CDK5RAP2: variants seen among roughly 807,000 people sequenced by gnomAD.
The protein encoded by CDK5RAP2 is CDK5 regulatory subunit associated protein 2.
Under a neutral mutation model 232.9 loss-of-function variants are expected in CDK5RAP2, and 147 were observed. That is an observed-to-expected ratio of 0.63 (90% confidence interval 0.55 to 0.72). The LOEUF (loss-of-function observed/expected upper bound fraction) is 0.72, where lower values mean the gene tolerates loss of function less well. CDK5RAP2 is among the 30% of genes least tolerant of loss of function. The pLI is 0.00. For synonymous variants in CDK5RAP2, 833 were observed against 833.7 expected (o/e 1.00, Z 0.01); for missense variants, 2,195 against 2,231.5 (o/e 0.98, Z 0.33).
intron 2 of CDK5RAP2, among the ~76,000 whole-genome samples, chr9:120,568,900 T>C (rs752581573): frequency 3.9e-5 from 6 of 152,070 alleles, no homozygotes; most frequent in Non-Finnish European, 8.8e-5. Flanking sequence ...ATAAACAAAG[T>C]GGTTGTGTTC....
At chr9:120,462,871 T>A (rs112723520) in intron 18 of CDK5RAP2, among the ~76,000 whole-genome samples, 8 of 152,318 alleles carry the variant, frequency 5.3e-5, no homozygotes, top group African/African-American at 1.9e-4. Flanking sequence ...TAAGCATTTA[T>A]TGAAGATATG....
chr9:120,517,128 C>A (rs75858682), intron 12 of CDK5RAP2, among the ~76,000 whole-genome samples: 72 of 152,232 alleles, frequency 4.7e-4, no homozygotes, highest in African/African-American at 1.5e-3. Flanking sequence ...TCTGATTAGA[C>A]CAGGAGCCCA....
Position 120,403,958 on chromosome 9 carries a change from A to AC in CDK5RAP2, c.5041+77dup, listed in dbSNP as rs1229763070. Reference sequence around the variant, plus strand: ...ATACCCTCCTGAGTTGGGACCAGGGACCCCCCTTTTCTGCAAGTTAAAAAG... The same window carrying AC: ...ATACCCTCCTGAGTTGGGACCAGGGACCCCCCCTTTTCTGCAAGTTAAAAAG... On this transcript the variant is annotated intron_variant, in intron 33 of 37. Coordinates refer to ENST00000349780, the MANE Select transcript of CDK5RAP2 (RefSeq NM_018249.6). This position sits in a 1 kb window ranked among gnomAD's most constrained non-coding sequence, Gnocchi z 4.2. 30 of 958,374 alleles carry AC rather than the reference A, an allele frequency of 3.1e-5. No individual in the cohort carries two copies. The East Asian group carries it at 4.8e-4, about 15-fold the overall frequency. 59.4% of individuals were successfully genotyped at this position (958,374 alleles called of 1,614,324 possible).
intron 12 of CDK5RAP2, chr9:120,517,736 T>A (rs2131830560): frequency 5.1e-6 from 1 of 196,698 alleles, no homozygotes; most frequent in African/African-American, 2.3e-5. Context: ...ATATTCATAC[T>A]CTTTGGCCCA....
chr9:120,509,589 T>C (rs2039984400), intron 12 of CDK5RAP2, among the ~76,000 whole-genome samples: 1 of 152,192 alleles, frequency 6.6e-6, no homozygotes, highest in Non-Finnish European at 1.5e-5. Context: ...GAGAACTATT[T>C]TCCACTATTC....
intron 3 of CDK5RAP2, among the ~76,000 whole-genome samples, chr9:120,551,171 GATA>G (rs1311392825): frequency 6.6e-5 from 10 of 152,220 alleles, no homozygotes; most frequent in African/African-American, 2.2e-4. Context: ...ACTCCACACT[GATA>G]ATAAGAAGAA....
Position 120,403,285 on chromosome 9 carries a change from T to G in CDK5RAP2, c.5042-214A>C. 8.8e-6 allele frequency: 5 copies of G among 568,344 alleles called. No individual in the cohort carries two copies. Among genetic ancestry groups the G allele is most frequent in the Non-Finnish European group, 1.6e-5 (5 of 317,358 alleles). The allele number at this position is 568,344 out of a possible 1,614,324, so 35.2% of individuals were successfully genotyped here. ...AGTCATCTTGTAGGAGAGGCTCAAG[T>G]CAACTCAACCAACACTTATCAACCA... On this transcript the variant is annotated intron_variant, in intron 33 of 37. Coordinates refer to ENST00000349780, the MANE Select transcript of CDK5RAP2 (RefSeq NM_018249.6). The surrounding 1 kb of genome is among the most constrained non-coding windows in gnomAD (Gnocchi z 4.2).
intron 11 of CDK5RAP2, among the ~76,000 whole-genome samples, chr9:120,520,695 TCA>T (rs558450916): frequency 7.6e-4 from 95 of 125,612 alleles, no homozygotes; most frequent in African/African-American, 2.7e-3. Flanking sequence ...ATGAGATATA[TCA>T]CACGATACAT....
chr9:120,555,181 C>A (rs980088688), intron 3 of CDK5RAP2, among the ~76,000 whole-genome samples: 1 of 151,910 alleles, frequency 6.6e-6, no homozygotes, highest in African/African-American at 2.4e-5. Flanking sequence ...CGCTTTATTG[C>A]CCAGGCTTGG....
chr9:120,470,431 A>G (rs1201898497), intron 16 of CDK5RAP2, among the ~76,000 whole-genome samples: 1 of 152,190 alleles, frequency 6.6e-6, no homozygotes, highest in African/African-American at 2.4e-5. Context: ...TGATATTTCA[A>G]TGTATGGTTT....
intron 11 of CDK5RAP2, among the ~76,000 whole-genome samples, chr9:120,523,823 CAT>C (rs1305574792): frequency 6.6e-6 from 1 of 151,954 alleles, no homozygotes; most frequent in Admixed American, 6.6e-5. Context: ...TGATAAGAAA[CAT>C]GTTAAAATAA....
At chr9:120,535,718 G>C (rs372186616) in intron 7 of CDK5RAP2, among the ~76,000 whole-genome samples, 19 of 152,342 alleles carry the variant, frequency 1.2e-4, no homozygotes, top group South Asian at 2.1e-4. Flanking sequence ...TGCAAAATAT[G>C]ATGGGCACTA....
chr9:120,512,404 A>AT (rs2040136756), intron 12 of CDK5RAP2, among the ~76,000 whole-genome samples: 1 of 152,054 alleles, frequency 6.6e-6, no homozygotes, highest in Non-Finnish European at 1.5e-5. Flanking sequence ...AGTCACTTTT[A>AT]TTTTTCCTGA....
chr9:120,428,762 C>T (rs12342593), intron 25 of CDK5RAP2, among the ~76,000 whole-genome samples: 4,566 of 152,248 alleles, frequency 0.03, 233 homozygotes, highest in African/African-American at 0.1. Context: ...TTTTATGAGG[C>T]CAGCATCATC....
chr9:120,438,514 T>G (rs1006259846), intron 24 of CDK5RAP2, among the ~76,000 whole-genome samples: 2 of 151,840 alleles, frequency 1.3e-5, no homozygotes, highest in Non-Finnish European at 2.9e-5. Flanking sequence ...GGTACTGGAG[T>G]GGGATGATGT....
intron 1 of CDK5RAP2, among the ~76,000 whole-genome samples, chr9:120,574,010 T>G (rs934786458): frequency 6.6e-6 from 1 of 152,128 alleles, no homozygotes; most frequent in African/African-American, 2.4e-5. Context: ...TTACATTAAC[T>G]CCCACTGGCT....
At chr9:120,526,822 T>C (rs1358324360) in intron 10 of CDK5RAP2, among the ~76,000 whole-genome samples, 1 of 152,184 alleles carries the variant, frequency 6.6e-6, no homozygotes, top group East Asian at 1.9e-4. Context: ...CTGTCTGTGG[T>C]GCATATGGGG....
chr9:120,442,574 A>G (rs1396878839), intron 23 of CDK5RAP2, among the ~76,000 whole-genome samples: 1 of 152,264 alleles, frequency 6.6e-6, no homozygotes, highest in Admixed American at 6.5e-5. Context: ...AAGTACTGAC[A>G]GGGAAAGGGA....
intron 25 of CDK5RAP2, among the ~76,000 whole-genome samples, chr9:120,436,278 A>G (rs1320003183): frequency 6.6e-6 from 1 of 152,224 alleles, no homozygotes. Context: ...CGGAAAGAAC[A>G]GATAATCCCA....
Sources: allele counts gnomAD v4.1 joint callset (sites outside exome capture counted in the v4.1 genomes callset), GRCh38; gene constraint gnomAD v4.1.1; non-coding constraint Gnocchi (gnomAD v3.1); transcripts MANE v1.5; gene names NCBI Gene and HGNC (gene_info 2026-07-23, HGNC 2026-07-21).